Variants in MPHOSPH8 observed in about 807,000 individuals in gnomAD.
MPHOSPH8 encodes M-phase phosphoprotein 8, also known as M-phase phosphoprotein, mpp.
In MPHOSPH8, 45 loss-of-function variants were observed where a neutral mutation model predicts 87.3. The ratio of observed to expected loss-of-function variants is 0.52; its 90% CI spans 0.41 to 0.66. The LOEUF (loss-of-function observed/expected upper bound fraction) is 0.66, where lower values mean the gene tolerates loss of function less well. MPHOSPH8 is among the 30% of genes least tolerant of loss of function. MPHOSPH8 has a pLI of 0.00. For missense variants in MPHOSPH8, 883 were observed against 1,020.2 expected (o/e 0.87, Z 1.83); for synonymous variants, 366 against 376.9 (o/e 0.97, Z 0.33).
At position 19,661,718 on chromosome 13, in the gene MPHOSPH8, G is replaced by A; in HGVS notation, c.1812G>A (p.Leu604=). Residue 604 remains leucine, a synonymous_variant, in exon 8 of 14, where the codon CTG becomes CTA. Coordinates refer to ENST00000361479, the MANE Select transcript of MPHOSPH8 (RefSeq NM_017520.4). Reference sequence around the variant, plus strand: ...CACAGGATTCCAGTGGAATGACACTGGTGATGCTTGCCGCCGCCGGAGGGC... The same window carrying A: ...CACAGGATTCCAGTGGAATGACACTAGTGATGCTTGCCGCCGCCGGAGGGC... ...LDQEDSSGMT[L]VMLAAAGGQD... 1 of 1,609,006 alleles carries A rather than the reference G, an allele frequency of 6.2e-7. No homozygotes were observed. Among genetic ancestry groups the A allele is most frequent in the Non-Finnish European group, 8.5e-7 (1 of 1,176,664 alleles).
chr13:19,643,169 C>T (rs1240118475), intron 2 of MPHOSPH8, among the ~76,000 whole-genome samples: 2 of 152,110 alleles, frequency 1.3e-5, no homozygotes, highest in African/African-American at 4.8e-5. Flanking sequence ...GTTACAGTTA[C>T]GGAAAGATAG....
intron 5 of MPHOSPH8, among the ~76,000 whole-genome samples, chr13:19,650,904 A>C (rs1393245043): frequency 6.6e-6 from 1 of 152,252 alleles, no homozygotes; most frequent in Non-Finnish European, 1.5e-5. Flanking sequence ...TATATCTTGG[A>C]TACCGAGGGA....
chr13:19,649,874 A>G (rs1424183663), intron 4 of MPHOSPH8, 129 bp from the exon 5 acceptor site: 1 of 835,572 alleles, frequency 1.2e-6, no homozygotes, highest in Non-Finnish European at 1.8e-6. Context: ...ACCAGGCTTT[A>G]TAAGCAAGGT....
In MPHOSPH8 at chr13:19,673,054, CAAA is replaced by C. The variant is rs752838814; in HGVS notation, c.*1191_*1193del. On this transcript the variant is annotated 3_prime_UTR_variant, in exon 14 of 14. Transcript: ENST00000361479. ...TGAGTGACAGAATGAGACCTTGTCTCAAAAAAAAAAAAAAGTTTCTTGGAACCT... is the reference window on the plus strand; with the variant it reads ...TGAGTGACAGAATGAGACCTTGTCTCAAAAAAAAAAAGTTTCTTGGAACCT... 8.1e-5 allele frequency: 32 copies of C among 394,220 alleles called. No individual in the cohort carries two copies. Among genetic ancestry groups the C allele is most frequent in the Admixed American group, 1.8e-4 (6 of 33,174 alleles). The allele number at this position is 394,220 out of a possible 1,614,324, so 24.4% of individuals were successfully genotyped here.
At chr13:19,644,499 A>T (rs1219588755) in intron 2 of MPHOSPH8, among the ~76,000 whole-genome samples, 1 of 152,212 alleles carries the variant, frequency 6.6e-6, no homozygotes, top group Non-Finnish European at 1.5e-5. Flanking sequence ...TACATAATTA[A>T]TGCTTTCCAC....
chr13:19,672,073 C>T lies in MPHOSPH8; in HGVS notation c.*198C>T. The T allele has an allele frequency of 1.7e-6, 1 of 583,428 alleles. No homozygotes were observed. Among genetic ancestry groups the T allele is most frequent in the Non-Finnish European group, 3.1e-6 (1 of 327,654 alleles). The allele number at this position is 583,428 out of a possible 1,614,324, so 36.1% of individuals were successfully genotyped here. Reference sequence around the variant, plus strand: ...GTATGCCGGAATCTCAGTGCAGTGTCCAGACTGCGTATTTCAGTTTTTCCA... The same window carrying T: ...GTATGCCGGAATCTCAGTGCAGTGTTCAGACTGCGTATTTCAGTTTTTCCA... On this transcript the variant is annotated 3_prime_UTR_variant, in exon 14 of 14. Coordinates refer to ENST00000361479, the MANE Select transcript of MPHOSPH8 (RefSeq NM_017520.4).
chr13:19,664,035 G>T (rs1046655953), intron 9 of MPHOSPH8, among the ~76,000 whole-genome samples: 117 of 152,260 alleles, frequency 7.7e-4, no homozygotes, highest in Middle Eastern at 3.4e-3. Context: ...CCGGGCTGGA[G>T]TGCAGTGGCA....
chr13:19,671,188 T>C lies in MPHOSPH8; in HGVS notation c.2458-18T>C. ...TAAGTTTGAAAACACTGACTTTTTT[T>C]TTCTCTTTCCATTGTAGGACAGTCA... On this transcript the variant is annotated intron_variant, in intron 12 of 13. Transcript: ENST00000361479. 6.2e-7 allele frequency: 1 copy of C among 1,610,232 alleles called. No individual in the cohort carries two copies. Among genetic ancestry groups the C allele is most frequent in the Non-Finnish European group, 8.5e-7 (1 of 1,179,266 alleles).
At chr13:19,667,570 A>G (rs772137879) in intron 10 of MPHOSPH8, among the ~76,000 whole-genome samples, 6 of 150,998 alleles carry the variant, frequency 4.0e-5, no homozygotes, top group South Asian at 4.2e-4. Flanking sequence ...TAATTCCTTC[A>G]TATTTTGCCC....
At chr13:19,671,412 G>A (rs2137548797) in intron 13 of MPHOSPH8, 123 bp downstream of exon 13, 3 of 781,718 alleles carry the variant, frequency 3.8e-6, no homozygotes, top group Middle Eastern at 2.3e-4. Context: ...GGCACTCCCT[G>A]GGGTAGTGAT....
chr13:19,643,343 A>G (rs1279817494), intron 2 of MPHOSPH8, among the ~76,000 whole-genome samples: 5 of 152,116 alleles, frequency 3.3e-5, no homozygotes, highest in Non-Finnish European at 4.4e-5. Context: ...TCTGGGTTCA[A>G]GTGACAATCC....
At chr13:19,645,524 C>T (rs1471373123) in intron 2 of MPHOSPH8, among the ~76,000 whole-genome samples, 10 of 152,060 alleles carry the variant, frequency 6.6e-5, no homozygotes, top group Admixed American at 6.6e-4. Flanking sequence ...GTAATCCTAG[C>T]ACTTTGGGAG....
Position 19,673,412 on chromosome 13 carries a change from A to G in MPHOSPH8, c.*1537A>G, listed in dbSNP as rs965330698. On this transcript the variant is annotated 3_prime_UTR_variant, in exon 14 of 14. Coordinates refer to ENST00000361479, the MANE Select transcript of MPHOSPH8 (RefSeq NM_017520.4). ...TTACATCCTAAAACTGCCTTTTCCT[A>G]TGGTTTTGTCAATAAAACACTATGA... 2.1e-5 allele frequency: 5 copies of G among 240,568 alleles called. No homozygotes were observed. The highest frequency in any genetic ancestry group is 4.5e-5 in the African/African-American group (2 of 44,234). The allele number at this position is 240,568 out of a possible 1,614,324, so 14.9% of individuals were successfully genotyped here.
At chr13:19,663,854 C>A (rs1240379387) in intron 9 of MPHOSPH8, among the ~76,000 whole-genome samples, 1 of 152,162 alleles carries the variant, frequency 6.6e-6, no homozygotes, top group Non-Finnish European at 1.5e-5. Flanking sequence ...GGGGCCTGCC[C>A]ACAGCGCCCA....
chr13:19,663,540 G>A (rs142359946), intron 9 of MPHOSPH8, among the ~76,000 whole-genome samples: 179 of 152,348 alleles, frequency 1.2e-3, no homozygotes, highest in African/African-American at 3.7e-3. Flanking sequence ...GGAGTTCCTC[G>A]TGCACTCTGT....
chr13:19,637,386 A>C (rs1874062802), intron 1 of MPHOSPH8, among the ~76,000 whole-genome samples: 1 of 152,172 alleles, frequency 6.6e-6, no homozygotes, highest in Non-Finnish European at 1.5e-5. Flanking sequence ...CAGATTCTCT[A>C]GTTGTTAATC....
intron 2 of MPHOSPH8, among the ~76,000 whole-genome samples, chr13:19,644,273 C>T (rs1874457701): frequency 6.6e-6 from 1 of 152,194 alleles, no homozygotes; most frequent in Non-Finnish European, 1.5e-5. Context: ...TAGGACCTAT[C>T]TTCTCCCTGC....
intron 2 of MPHOSPH8, among the ~76,000 whole-genome samples, chr13:19,644,329 C>T (rs1874460618): frequency 1.3e-5 from 2 of 152,178 alleles, no homozygotes; most frequent in African/African-American, 2.4e-5. Flanking sequence ...TCCTTTACTC[C>T]CAGTTAATAA....
chr13:19,642,121 G>C lies in MPHOSPH8; in HGVS notation c.220G>C (p.Val74Leu). The C allele has an allele frequency of 1.3e-6, 2 of 1,518,422 alleles. No individual in the cohort carries two copies. The highest frequency in any genetic ancestry group is 1.8e-6 in the Non-Finnish European group (2 of 1,131,588). The allele number at this position is 1,518,422 out of a possible 1,614,324, so 94.1% of individuals were successfully genotyped here. Residue 74 changes from valine (V) to leucine (L), a missense_variant, in exon 2 of 14, where the codon GTT (valine) becomes CTT (leucine). Physicochemically the swap from Val to Leu is conservative, Grantham distance 32. Transcript: ENST00000361479. ...CTTTTATTTTCTATAACAGGGTAAA[G>C]TTCTTTACAAAGTTCGCTGGAAAGG... Reference protein sequence around the residue: ...ILDMKTEGGKVLYKVRWKGYT... With the variant: ...ILDMKTEGGKLLYKVRWKGYT...
Sources: gnomAD v4.1 joint callset for allele counts (sites outside exome capture counted in the v4.1 genomes callset) on GRCh38, gnomAD v4.1.1 for gene constraint, MANE v1.5 for transcripts, NCBI Gene and HGNC (gene_info 2026-07-23, HGNC 2026-07-21) for gene names.